Variants in PCTP observed in about 807,000 individuals in gnomAD.
PCTP encodes phosphatidylcholine transfer protein.
A neutral mutation model predicts 31.0 loss-of-function variants in PCTP; 27 were observed. The observed-to-expected ratio is 0.87, with a 90% CI of 0.64 to 1.20. The LOEUF (loss-of-function observed/expected upper bound fraction) is 1.20, where lower values mean the gene tolerates loss of function less well. Ranked by LOEUF, PCTP falls within the 50% of genes most tolerant of loss-of-function variation. The pLI is 0.00. For synonymous variants in PCTP, 108 were observed against 101.2 expected (o/e 1.07, Z -0.40); for missense variants, 287 against 268.2 (o/e 1.07, Z -0.49).
chr17:55,780,661 C>T (rs993253033), downstream of PCTP, among the ~76,000 whole-genome samples: 5 of 152,176 alleles, frequency 3.3e-5, no homozygotes, highest in African/African-American at 1.2e-4. Context: ...TAGCATACTG[C>T]TTAGTTGTTG....
chr17:55,771,713 C>A (rs942649190), intron 3 of PCTP, among the ~76,000 whole-genome samples: 24 of 152,126 alleles, frequency 1.6e-4, no homozygotes, highest in Admixed American at 1.5e-3. Flanking sequence ...TAAGCTTCTT[C>A]CCCTCAATGT....
chr17:55,807,274 A>T (rs529399213), intron 3 of PCTP, among the ~76,000 whole-genome samples: 12 of 152,304 alleles, frequency 7.9e-5, no homozygotes, highest in African/African-American at 2.9e-4. Flanking sequence ...TGTGTTCATT[A>T]AAGGCTGAGT....
intron 3 of PCTP, among the ~76,000 whole-genome samples, chr17:55,811,988 G>A (rs1912767060): frequency 6.6e-6 from 1 of 152,160 alleles, no homozygotes; most frequent in Non-Finnish European, 1.5e-5. Flanking sequence ...GCATTTTCCT[G>A]TATTTTATTA....
chr17:55,773,871 A>G lies in PCTP; in HGVS notation c.487A>G (p.Ser163Gly). 12 of 1,608,536 alleles carry G rather than the reference A, an allele frequency of 7.5e-6. No individual in the cohort carries two copies. Among genetic ancestry groups the G allele is most frequent in the Non-Finnish European group, 9.3e-6 (11 of 1,176,736 alleles). ...KQYKQSLAIE[S>G]DGKKGSKVFM... ...ATACAAGCAGAGCCTGGCGATCGAG[A>G]GTGACGGCAAGAAGGGGAGCAAAGG... The change falls in exon 4 of 6, where the codon AGT becomes GGT. Residue 163 changes from serine to glycine, a missense_variant. Coordinates refer to ENST00000268896, the MANE Select transcript of PCTP (RefSeq NM_021213.4).
chr17:55,831,338 T>C (rs1330038886), intron 5 of PCTP, among the ~76,000 whole-genome samples: 1 of 152,198 alleles, frequency 6.6e-6, no homozygotes, highest in Non-Finnish European at 1.5e-5. Context: ...TCAAACTTCC[T>C]TAAAAGTGAA....
intron 5 of PCTP, among the ~76,000 whole-genome samples, chr17:55,837,479 C>T (rs770474924): frequency 1.7e-4 from 26 of 152,128 alleles, no homozygotes; most frequent in South Asian, 6.2e-4. Flanking sequence ...CCTTAAAACT[C>T]GACATGTCTA....
chr17:55,756,739 G>A (rs71373390), intron 1 of PCTP, among the ~76,000 whole-genome samples: 16,602 of 115,650 alleles, frequency 0.14, 1,009 homozygotes, highest in Middle Eastern at 0.19. Flanking sequence ...GTGTGTGTGT[G>A]TGTATATATG....
intron 3 of PCTP, among the ~76,000 whole-genome samples, chr17:55,818,308 G>A (rs989089978): frequency 6.6e-6 from 1 of 152,194 alleles, no homozygotes; most frequent in African/African-American, 2.4e-5. Flanking sequence ...GCAGCCTTGG[G>A]TTTTAAACAA....
intron 3 of PCTP, among the ~76,000 whole-genome samples, chr17:55,808,923 C>T (rs902813336): frequency 6.6e-6 from 1 of 152,170 alleles, no homozygotes; most frequent in East Asian, 1.9e-4. Context: ...GAGCCAATCC[C>T]GTATTGGCCA....
chr17:55,819,010 C>CAAAAAAAAAAAAAA (rs56823756), intron 3 of PCTP, among the ~76,000 whole-genome samples: 58 of 51,104 alleles, frequency 1.1e-3, no homozygotes, highest in African/African-American at 2.3e-3. Context: ...GGAAAGAAAT[C>CAAAAAAAAAAAAAA]AAAAAAAAAA....
At chr17:55,847,464 G>A (rs894809089), downstream of PCTP, among the ~76,000 whole-genome samples, 22 of 152,122 alleles carry the variant, frequency 1.4e-4, no homozygotes, top group South Asian at 4.2e-4. Context: ...GAGAGGTGAC[G>A]GTTTTAAGTG....
intron 3 of PCTP, among the ~76,000 whole-genome samples, chr17:55,799,829 T>C (rs565966842): frequency 1.3e-5 from 2 of 152,330 alleles, no homozygotes; most frequent in Admixed American, 6.5e-5. Flanking sequence ...CCTTCACTTA[T>C]GAAGCTTAGT....
intron 3 of PCTP, among the ~76,000 whole-genome samples, chr17:55,818,793 A>G (rs565510072): frequency 4.6e-5 from 7 of 152,052 alleles, no homozygotes; most frequent in Non-Finnish European, 8.8e-5. Context: ...GAAGCCACAG[A>G]CCCCAAAACT....
At chr17:55,784,382 A>G (rs927434817) in intron 2 of PCTP, among the ~76,000 whole-genome samples, 1 of 152,084 alleles carries the variant, frequency 6.6e-6, no homozygotes, top group Non-Finnish European at 1.5e-5. Flanking sequence ...TCCCATCCCA[A>G]CTTTTTGTTG....
intron 2 of PCTP, among the ~76,000 whole-genome samples, chr17:55,783,246 T>C (rs2144990145): frequency 6.6e-6 from 1 of 152,292 alleles, no homozygotes; most frequent in South Asian, 2.1e-4. Flanking sequence ...GGAGAGCTCA[T>C]ACTAGCCCCG....
intron 3 of PCTP, among the ~76,000 whole-genome samples, chr17:55,809,203 GGTT>G (rs1451940318): frequency 6.6e-6 from 1 of 152,066 alleles, no homozygotes; most frequent in East Asian, 1.9e-4. Context: ...TCAAAATAGT[GGTT>G]GTCCTCATTG....
intron 3 of PCTP, among the ~76,000 whole-genome samples, chr17:55,811,347 A>G (rs539045622): frequency 6.6e-6 from 1 of 152,206 alleles, no homozygotes; most frequent in African/African-American, 2.4e-5. Flanking sequence ...TCTTCCAAGC[A>G]CTTTTCACAT....
chr17:55,772,259 A>C (rs374429038), intron 3 of PCTP, among the ~76,000 whole-genome samples: 4 of 151,230 alleles, frequency 2.6e-5, no homozygotes, highest in Non-Finnish European at 5.9e-5. Flanking sequence ...AGACTGTCCA[A>C]TGTGAGGGTG....
At position 55,813,505 on chromosome 17, in the gene PCTP, G is replaced by A. The variant is rs1302298664; in HGVS notation, c.318-9256G>A. On this transcript the variant is annotated intron_variant, in intron 3 of 3. Transcript: ENST00000572536. Reference sequence around the variant, plus strand: ...AATTTTTGTGTTTTCAGTAGAGACAGGGTTTCATCATGTTGGCCAGGCTTG... The same window carrying A: ...AATTTTTGTGTTTTCAGTAGAGACAAGGTTTCATCATGTTGGCCAGGCTTG... 3.9e-5 allele frequency among the ~76,000 whole-genome samples: 6 copies of A among 152,182 alleles called. 1 individual carries two copies. The South Asian group carries it at 1.2e-3, about 32-fold the overall frequency.
Sources: gnomAD v4.1 joint callset for allele counts (sites outside exome capture counted in the v4.1 genomes callset) on GRCh38, gnomAD v4.1.1 for gene constraint, MANE v1.5 for transcripts, NCBI Gene and HGNC (gene_info 2026-07-23, HGNC 2026-07-21) for gene names.